UVRAG: variants seen among roughly 807,000 people sequenced by gnomAD.
UVRAG encodes the protein UV radiation resistance-associated gene protein.
Under a neutral mutation model 78.0 loss-of-function variants are expected in UVRAG, and 19 were observed. The observed-to-expected ratio is 0.24, with a 90% CI of 0.17 to 0.36. UVRAG has a LOEUF of 0.36. Ranked by LOEUF, UVRAG falls within the 10% of genes least tolerant of loss-of-function variation. The pLI is 1.00. For synonymous variants in UVRAG, 323 were observed against 324.6 expected (o/e 1.00, Z 0.05); for missense variants, 740 against 853.8 (o/e 0.87, Z 1.66).
chr11:75,848,330 A>G (rs953686296), intron 1 of UVRAG, among the ~76,000 whole-genome samples: 3 of 152,258 alleles, frequency 2.0e-5, no homozygotes, highest in African/African-American at 7.2e-5. Flanking sequence ...AAAAGGGCAA[A>G]AAGTCATACA....
At chr11:76,103,126 C>T (rs1951906874) in intron 13 of UVRAG, among the ~76,000 whole-genome samples, 1 of 152,218 alleles carries the variant, frequency 6.6e-6, no homozygotes, top group Non-Finnish European at 1.5e-5. Context: ...TCAAGCCCTT[C>T]TCATACTTTG....
In UVRAG at chr11:76,125,509, TGCG is replaced by T. The variant is rs1952368452; in HGVS notation, c.1397+9496_1397+9498del. Among the ~76,000 whole-genome samples the T allele has an allele frequency of 6.0e-5, 9 of 150,770 alleles. No individual in the cohort carries two copies. In the South Asian group the frequency reaches 1.7e-3, roughly 28 times the overall value. On this transcript the variant is annotated intron_variant, in intron 14 of 14. Transcript: ENST00000356136. ...TATATTTAACTAACAGGCCCCCTCCTGCGGTTAACACCCATTTCCACTTTTTTC... is the reference window on the plus strand; with the variant it reads ...TATATTTAACTAACAGGCCCCCTCCTGTTAACACCCATTTCCACTTTTTTC...
chr11:75,967,761 C>A (rs1949051862), intron 7 of UVRAG, among the ~76,000 whole-genome samples: 1 of 152,232 alleles, frequency 6.6e-6, no homozygotes, highest in Admixed American at 6.5e-5. Flanking sequence ...TGGATTTTCA[C>A]ATCTGCTTCT....
At chr11:75,999,052 G>A (rs1949759326) in intron 8 of UVRAG, among the ~76,000 whole-genome samples, 1 of 152,040 alleles carries the variant, frequency 6.6e-6, no homozygotes, top group Admixed American at 6.5e-5. Flanking sequence ...GGCCAACATG[G>A]TGAAACCCCA....
intron 13 of UVRAG, among the ~76,000 whole-genome samples, chr11:76,114,348 CTA>C (rs1235512871): frequency 6.6e-6 from 1 of 152,114 alleles, no homozygotes; most frequent in Non-Finnish European, 1.5e-5. Flanking sequence ...AAGGAAAAAA[CTA>C]TTTTCCTTCT....
chr11:76,107,399 A>G (rs945106403), intron 13 of UVRAG, among the ~76,000 whole-genome samples: 23 of 152,332 alleles, frequency 1.5e-4, no homozygotes, highest in South Asian at 1.4e-3. Context: ...TATTAATTCT[A>G]TGATTCTGAA....
intron 1 of UVRAG, among the ~76,000 whole-genome samples, chr11:75,828,844 A>C (rs1466352074): frequency 8.0e-6 from 1 of 124,836 alleles, no homozygotes; most frequent in Non-Finnish European, 1.6e-5. Context: ...TGCTGCTGGG[A>C]CTACAGGTGC....
chr11:75,837,008 C>T (rs761436606), intron 1 of UVRAG, among the ~76,000 whole-genome samples: 1 of 152,116 alleles, frequency 6.6e-6, no homozygotes, highest in Non-Finnish European at 1.5e-5. Flanking sequence ...GGAACAGCCA[C>T]CACCCTAATC....
chr11:76,053,143 T>C (rs1273522508), intron 12 of UVRAG, among the ~76,000 whole-genome samples: 2 of 151,462 alleles, frequency 1.3e-5, no homozygotes, highest in African/African-American at 4.9e-5. Context: ...CCATCTCTAC[T>C]AAAAATACAA....
intron 8 of UVRAG, among the ~76,000 whole-genome samples, chr11:75,984,011 T>A (rs1404585885): frequency 2.6e-5 from 4 of 152,178 alleles, no homozygotes. Context: ...AGTGTACAGA[T>A]CTGTATTCAA....
intron 8 of UVRAG, among the ~76,000 whole-genome samples, chr11:76,002,601 A>T (rs1241045651): frequency 6.6e-6 from 1 of 152,206 alleles, no homozygotes; most frequent in Non-Finnish European, 1.5e-5. Flanking sequence ...CTGATGAAGT[A>T]TGTGGGGATA....
intron 13 of UVRAG, among the ~76,000 whole-genome samples, chr11:76,101,167 T>C (rs1187967941): frequency 6.6e-6 from 1 of 152,156 alleles, no homozygotes; most frequent in Non-Finnish European, 1.5e-5. Flanking sequence ...TGTTTTTAGC[T>C]CTTTGAGAAA....
chr11:76,143,225 A>G lies in UVRAG; in HGVS notation c.*1812A>G, dbSNP rs528245281. The G allele has an allele frequency of 9.8e-5, 15 of 152,360 alleles. No individual in the cohort carries two copies. The highest frequency in any genetic ancestry group is 1.8e-4 in the Non-Finnish European group (12 of 68,040). The allele number at this position is 152,360 out of a possible 1,614,324, so 9.4% of individuals were successfully genotyped here. Reference sequence around the variant, plus strand: ...TGAAGGGCAGTGTTAGGATTGCAGAATGGAAGGTCAACCCCGTGGGACTTA... The same window carrying G: ...TGAAGGGCAGTGTTAGGATTGCAGAGTGGAAGGTCAACCCCGTGGGACTTA... On this transcript the variant is annotated 3_prime_UTR_variant, in exon 15 of 15. Transcript: ENST00000356136.
chr11:76,122,222 G>C (rs571413217), intron 14 of UVRAG, among the ~76,000 whole-genome samples: 18 of 152,314 alleles, frequency 1.2e-4, no homozygotes, highest in African/African-American at 4.1e-4. Context: ...GAGGGGTGTA[G>C]ACAAACCTTC....
intron 13 of UVRAG, among the ~76,000 whole-genome samples, chr11:76,090,407 A>T (rs556321430): frequency 4.6e-5 from 7 of 152,172 alleles, no homozygotes; most frequent in African/African-American, 1.7e-4. Flanking sequence ...TACTTAGCCA[A>T]CCCACTCAGC....
intron 12 of UVRAG, among the ~76,000 whole-genome samples, chr11:76,027,094 G>A (rs560215382): frequency 3.3e-5 from 5 of 152,246 alleles, no homozygotes; most frequent in Admixed American, 6.5e-5. Flanking sequence ...AAGATGAAGT[G>A]AGGTCATACA....
intron 1 of UVRAG, among the ~76,000 whole-genome samples, chr11:75,843,734 G>A (rs1945967389): frequency 1.3e-5 from 2 of 152,124 alleles, no homozygotes; most frequent in African/African-American, 4.8e-5. Flanking sequence ...CGAGGTGGGT[G>A]GATCATTTGA....
chr11:76,109,073 ATTT>A (rs59307635), intron 13 of UVRAG, among the ~76,000 whole-genome samples: 3,715 of 152,258 alleles, frequency 0.024, 147 homozygotes, highest in African/African-American at 0.083. Flanking sequence ...AAAGGTGTTT[ATTT>A]CAGAGGCTAA....
At chr11:76,009,229 T>A (rs1950006421) in intron 11 of UVRAG, among the ~76,000 whole-genome samples, 1 of 152,190 alleles carries the variant, frequency 6.6e-6, no homozygotes, top group Non-Finnish European at 1.5e-5. Flanking sequence ...TCTGTTCTGT[T>A]ATTATTTAGA....
Sources: allele counts gnomAD v4.1 joint callset (sites outside exome capture counted in the v4.1 genomes callset), GRCh38; gene constraint gnomAD v4.1.1; transcripts MANE v1.5; gene names NCBI Gene and HGNC (gene_info 2026-07-23, HGNC 2026-07-21).